Variants in GLI3 observed in about 807,000 individuals in gnomAD.
GLI3 encodes transcription activator GLI3.
Under a neutral mutation model 100.8 loss-of-function variants are expected in GLI3, and 20 were observed. That is an observed-to-expected ratio of 0.20 (90% CI 0.14 to 0.29). GLI3 has a LOEUF of 0.29. Among genes scored for constraint, GLI3 ranks in the 10% least tolerant of loss-of-function variants. The probability of loss-of-function intolerance (pLI) is 1.00; values close to 1 mark genes in which losing one functional copy is unlikely to be tolerated. For synonymous variants in GLI3, 938 were observed against 860.5 expected (o/e 1.09, Z -1.58); for missense variants, 2,040 against 2,128.5 (o/e 0.96, Z 0.82).
intron 2 of GLI3, among the ~76,000 whole-genome samples, chr7:42,218,567 A>AT (rs370570671): frequency 6.6e-6 from 1 of 151,994 alleles, no homozygotes; most frequent in Non-Finnish European, 1.5e-5. Flanking sequence ...CAAAAAAAAA[A>AT]GCAACTCCTT....
At chr7:42,092,829 A>ATTTATTTATTTAT (rs1423905238) in intron 3 of GLI3, among the ~76,000 whole-genome samples, 1 of 144,988 alleles carries the variant, frequency 6.9e-6, no homozygotes, top group African/African-American at 2.5e-5. Context: ...TTATGTATTT[A>ATTTATTTATTTAT]TAGAGACGGA....
chr7:42,198,997 AT>A lies in GLI3; in HGVS notation c.124+24132del, dbSNP rs374230093. Among the ~76,000 whole-genome samples, 68 of 151,806 alleles carry A rather than the reference AT, an allele frequency of 4.5e-4. 1 individual carries two copies. The East Asian group carries it at 8.9e-3, about 20-fold the overall frequency. ...TCACTGCCAACTAAAATGACAAGGCATTTTTTCCCCAAAATTTATTATGATG... is the reference window on the plus strand; with the variant it reads ...TCACTGCCAACTAAAATGACAAGGCATTTTTCCCCAAAATTTATTATGATG... On this transcript the variant is annotated intron_variant, in intron 2 of 14. Coordinates refer to ENST00000395925, the MANE Select transcript of GLI3 (RefSeq NM_000168.6).
At chr7:42,240,765 CT>C (rs1788916444), upstream of GLI3, among the ~76,000 whole-genome samples, 1 of 152,166 alleles carries the variant, frequency 6.6e-6, no homozygotes, top group African/African-American at 2.4e-5. Flanking sequence ...TCAACATTTT[CT>C]TCTGGGGGAC....
chr7:42,191,949 G>A (rs983820144), intron 2 of GLI3, among the ~76,000 whole-genome samples: 3 of 151,674 alleles, frequency 2.0e-5, no homozygotes, highest in South Asian at 2.1e-4. Flanking sequence ...GGTCATACAA[G>A]CTAAACTGCC....
chr7:42,123,416 C>T (rs1180764784), intron 3 of GLI3, among the ~76,000 whole-genome samples: 1 of 152,118 alleles, frequency 6.6e-6, no homozygotes, highest in African/African-American at 2.4e-5. Flanking sequence ...TTTTTGTTGA[C>T]AGTACACACC....
intron 1 of GLI3, among the ~76,000 whole-genome samples, chr7:42,257,349 T>A (rs1044566778): frequency 6.6e-6 from 1 of 150,538 alleles, no homozygotes; most frequent in Non-Finnish European, 1.5e-5. Flanking sequence ...TGGAAATCAT[T>A]CAGTCTTTTT....
chr7:42,033,812 G>C (rs924416144), intron 7 of GLI3, among the ~76,000 whole-genome samples: 9 of 151,926 alleles, frequency 5.9e-5, no homozygotes, highest in African/African-American at 2.2e-4. Context: ...TTCTATTTGA[G>C]AGGGAAAAAA....
chr7:42,134,994 G>A (rs1786391826), intron 3 of GLI3, among the ~76,000 whole-genome samples: 1 of 152,116 alleles, frequency 6.6e-6, no homozygotes, highest in Non-Finnish European at 1.5e-5. Context: ...GAATTTCATA[G>A]TGTATTTAAA....
intron 4 of GLI3, among the ~76,000 whole-genome samples, chr7:42,074,200 T>A (rs767717098): frequency 6.6e-5 from 10 of 152,200 alleles, no homozygotes; most frequent in Admixed American, 2.0e-4. Context: ...CATTGAACTC[T>A]CCCTGTGATC....
chr7:42,188,179 G>A (rs751571440), intron 2 of GLI3, among the ~76,000 whole-genome samples: 8 of 152,098 alleles, frequency 5.3e-5, no homozygotes, highest in Non-Finnish European at 1.2e-4. Flanking sequence ...AGAGCCGTCA[G>A]AGGGAGTATG....
chr7:42,262,197 T>TATCCTTCCTTCCTTCCTTCC (rs1554345649), intron 1 of GLI3, among the ~76,000 whole-genome samples: 1 of 33,558 alleles, frequency 3.0e-5, no homozygotes, highest in African/African-American at 8.1e-5. Flanking sequence ...TTTTATTTTT[T>TATCCTTCCTTCCTTCCTTCC]TTCCTTCCTT....
upstream of GLI3, among the ~76,000 whole-genome samples, chr7:42,242,252 T>C (rs183516140): frequency 6.6e-6 from 1 of 152,366 alleles, no homozygotes; most frequent in Non-Finnish European, 1.5e-5. Flanking sequence ...AAATTTTGCA[T>C]GCCTTCAGGT....
chr7:42,133,253 T>C (rs1481217806), intron 3 of GLI3, among the ~76,000 whole-genome samples: 4 of 152,222 alleles, frequency 2.6e-5, no homozygotes, highest in South Asian at 2.1e-4. Flanking sequence ...CAAAACTAGG[T>C]TGGCATTCAA....
chr7:42,050,889 G>A (rs1392046780), intron 4 of GLI3, among the ~76,000 whole-genome samples: 2 of 152,184 alleles, frequency 1.3e-5, no homozygotes, highest in Non-Finnish European at 2.9e-5. Flanking sequence ...ATTATGCACA[G>A]GAAAACCAAT....
intron 3 of GLI3, among the ~76,000 whole-genome samples, chr7:42,091,522 C>T (rs1047329728): frequency 1.3e-5 from 2 of 152,278 alleles, no homozygotes; most frequent in Admixed American, 1.3e-4. Flanking sequence ...CCACTGGGGC[C>T]TGCGCACACT....
chr7:42,146,479 C>T (rs907911408), intron 3 of GLI3, among the ~76,000 whole-genome samples: 3 of 152,170 alleles, frequency 2.0e-5, no homozygotes, highest in Non-Finnish European at 4.4e-5. Flanking sequence ...AGAAAGTTAA[C>T]GGTTATCTGC....
chr7:42,010,791 T>C (rs1201217782), intron 10 of GLI3, among the ~76,000 whole-genome samples: 2 of 152,228 alleles, frequency 1.3e-5, no homozygotes, highest in Non-Finnish European at 2.9e-5. Context: ...GGAAACTGAT[T>C]AATCAGTAGC....
At chr7:42,223,038 C>G in intron 2 of GLI3, 92 bp downstream of exon 2, 1 of 1,467,188 alleles carries the variant, frequency 6.8e-7, no homozygotes, top group Non-Finnish European at 9.5e-7. Context: ...AGAACAAACA[C>G]TGGTCCAGGT....
intron 2 of GLI3, among the ~76,000 whole-genome samples, chr7:42,202,234 T>G (rs898576070): frequency 2.0e-5 from 3 of 152,060 alleles, no homozygotes; most frequent in African/African-American, 7.2e-5. Flanking sequence ...AAAATTATAA[T>G]GGGATTCCAA....
Sources: gnomAD v4.1 joint callset for allele counts (sites outside exome capture counted in the v4.1 genomes callset) on GRCh38, gnomAD v4.1.1 for gene constraint, MANE v1.5 for transcripts, NCBI Gene and HGNC (gene_info 2026-07-23, HGNC 2026-07-21) for gene names.